Variants in PPM1L observed in about 807,000 individuals in gnomAD.
The protein encoded by PPM1L is protein phosphatase, Mg2+/Mn2+ dependent 1L.
A neutral mutation model predicts 31.4 loss-of-function variants in PPM1L; 13 were observed. That is an observed-to-expected ratio of 0.41 (90% CI 0.27 to 0.66). The LOEUF (loss-of-function observed/expected upper bound fraction) is 0.66, where lower values mean the gene tolerates loss of function less well. Among genes scored for constraint, PPM1L ranks in the 30% least tolerant of loss-of-function variants. The probability of loss-of-function intolerance (pLI) is 0.29; values close to 1 mark genes in which losing one functional copy is unlikely to be tolerated. For missense variants in PPM1L, 326 were observed against 453.7 expected (o/e 0.72, Z 2.56); for synonymous variants, 184 against 175.4 (o/e 1.05, Z -0.39).
At chr3:160,863,720 C>A (rs773680259) in intron 1 of PPM1L, among the ~76,000 whole-genome samples, 3 of 152,082 alleles carry the variant, frequency 2.0e-5, no homozygotes, top group Non-Finnish European at 4.4e-5. Context: ...TATTGGGTTC[C>A]TTGGTCACAC....
intron 1 of PPM1L, among the ~76,000 whole-genome samples, chr3:160,871,326 T>G (rs531724988): frequency 4.6e-5 from 7 of 151,882 alleles, no homozygotes; most frequent in Middle Eastern, 6.8e-3. Context: ...ACAGATCTGA[T>G]GTATTTCAGA....
In PPM1L at chr3:160,903,201, T is replaced by TGTGTGTG. The variant is rs1553819675; in HGVS notation, c.400-58533_400-58532insGTGTGGT. ...TGTGTGTGTGTGTGTGTGGTATGTG[T>TGTGTGTG]GTATGTTTGTGTGTGTGTGTGTGTG... On this transcript the variant is annotated intron_variant, in intron 1 of 3. Coordinates refer to ENST00000498165, the MANE Select transcript of PPM1L (RefSeq NM_139245.4). Among the ~76,000 whole-genome samples the TGTGTGTG allele has an allele frequency of 2.7e-4, 24 of 88,650 alleles. No homozygotes were observed. The East Asian group carries it at 4.8e-3, about 18-fold the overall frequency. 58.2% of individuals were successfully genotyped at this position (88,650 alleles called of 152,430 possible).
At chr3:160,811,275 G>A (rs754421305) in intron 1 of PPM1L, among the ~76,000 whole-genome samples, 1 of 152,158 alleles carries the variant, frequency 6.6e-6, no homozygotes, top group African/African-American at 2.4e-5. Flanking sequence ...TTTTCTCCCC[G>A]TCTTGAAATG....
At chr3:160,865,670 G>A (rs1712062933) in intron 1 of PPM1L, among the ~76,000 whole-genome samples, 2 of 152,216 alleles carry the variant, frequency 1.3e-5, no homozygotes, top group Admixed American at 6.5e-5. Context: ...AGCTACTTGG[G>A]AGGCTGAGGC....
intron 2 of PPM1L, among the ~76,000 whole-genome samples, chr3:161,049,836 C>T (rs139828680): frequency 6.6e-6 from 1 of 152,348 alleles, no homozygotes; most frequent in Non-Finnish European, 1.5e-5. Context: ...TCAGCCTGGT[C>T]CCCTGTACAG....
intron 1 of PPM1L, among the ~76,000 whole-genome samples, chr3:160,916,630 T>TA (rs200296430): frequency 3.9e-5 from 6 of 151,952 alleles, no homozygotes; most frequent in African/African-American, 7.3e-5. Context: ...GCAATCTACT[T>TA]AAAAAAAATT....
intron 1 of PPM1L, among the ~76,000 whole-genome samples, chr3:160,951,339 C>CAT (rs1187942430): frequency 6.6e-6 from 1 of 152,174 alleles, no homozygotes; most frequent in Non-Finnish European, 1.5e-5. Context: ...AAGAATTCAT[C>CAT]ATCACTGTGG....
In PPM1L at chr3:160,985,477, A is replaced by T. The variant is rs556288800; in HGVS notation, c.574+23567A>T. ...TAGTATTATAGTGAGGTTCAAATGAACTTTTAATATTCTCTAAAGCCAGTA... is the reference window on the plus strand; with the variant it reads ...TAGTATTATAGTGAGGTTCAAATGATCTTTTAATATTCTCTAAAGCCAGTA... On this transcript the variant is annotated intron_variant, in intron 2 of 3. Coordinates refer to ENST00000498165, the MANE Select transcript of PPM1L (RefSeq NM_139245.4). Among the ~76,000 whole-genome samples the T allele has an allele frequency of 6.6e-5, 10 of 152,306 alleles. No homozygotes were observed. The South Asian group carries it at 8.3e-4, about 13-fold the overall frequency.
intron 2 of PPM1L, among the ~76,000 whole-genome samples, chr3:160,973,766 T>TTTTTTTTTTTG (rs1553751136): frequency 4.8e-5 from 2 of 41,314 alleles, no homozygotes; most frequent in Non-Finnish European, 7.9e-5. Flanking sequence ...AAGGCCCTGT[T>TTTTTTTTTTTG]TTTTTTTTTT....
chr3:160,972,217 A>G (rs1242946750), intron 2 of PPM1L, among the ~76,000 whole-genome samples: 1 of 151,830 alleles, frequency 6.6e-6, no homozygotes, highest in South Asian at 2.1e-4. Context: ...TTTTTATTAT[A>G]CTTTAAGTTT....
intron 2 of PPM1L, among the ~76,000 whole-genome samples, chr3:161,041,898 A>G (rs1392739461): frequency 2.0e-5 from 3 of 152,198 alleles, no homozygotes; most frequent in South Asian, 4.1e-4. Flanking sequence ...ATATATTTGG[A>G]CTCACATTAA....
At chr3:160,901,144 A>G (rs1036294368) in intron 1 of PPM1L, among the ~76,000 whole-genome samples, 2 of 152,012 alleles carry the variant, frequency 1.3e-5, no homozygotes, top group African/African-American at 4.8e-5. Context: ...GTGGCTTTGC[A>G]TGTCATCGGT....
intron 1 of PPM1L, among the ~76,000 whole-genome samples, chr3:160,845,845 A>G (rs1210471621): frequency 6.6e-6 from 1 of 152,036 alleles, no homozygotes; most frequent in African/African-American, 2.4e-5. Flanking sequence ...TAAGTGCCCT[A>G]TATACAGTCA....
intron 1 of PPM1L, among the ~76,000 whole-genome samples, chr3:160,848,436 C>G (rs1714150319): frequency 6.6e-6 from 1 of 152,128 alleles, no homozygotes; most frequent in Non-Finnish European, 1.5e-5. Context: ...ATTGTAACTT[C>G]TTCATTTTTG....
intron 1 of PPM1L, among the ~76,000 whole-genome samples, chr3:160,816,481 T>G (rs976816679): frequency 6.0e-5 from 9 of 149,590 alleles, no homozygotes; most frequent in Non-Finnish European, 1.2e-4. Flanking sequence ...AGAGTCTGTT[T>G]TTTTTTTTTT....
At chr3:160,808,423 G>GTGTGTGTGT (rs1417044344) in intron 1 of PPM1L, among the ~76,000 whole-genome samples, 1 of 145,738 alleles carries the variant, frequency 6.9e-6, no homozygotes, top group Non-Finnish European at 1.5e-5. Flanking sequence ...GTGTGTGTGT[G>GTGTGTGTGT]GTGGGTGAGG....
At chr3:160,954,020 T>G (rs1715654222) in intron 1 of PPM1L, among the ~76,000 whole-genome samples, 1 of 152,216 alleles carries the variant, frequency 6.6e-6, no homozygotes, top group Non-Finnish European at 1.5e-5. Context: ...CATTGCCATC[T>G]TTGTAAAAAA....
intron 1 of PPM1L, among the ~76,000 whole-genome samples, chr3:160,826,924 TA>T (rs1029863915): frequency 1.3e-5 from 2 of 151,936 alleles, no homozygotes; most frequent in African/African-American, 4.8e-5. Context: ...TATCATGGTT[TA>T]AAAAAACACA....
At chr3:160,839,006 G>A (rs1713792847) in intron 1 of PPM1L, among the ~76,000 whole-genome samples, 1 of 151,800 alleles carries the variant, frequency 6.6e-6, no homozygotes, top group Non-Finnish European at 1.5e-5. Flanking sequence ...GGGACTGGTA[G>A]CTTTATAAGA....
Sources: gnomAD v4.1 joint callset for allele counts (sites outside exome capture counted in the v4.1 genomes callset) on GRCh38, gnomAD v4.1.1 for gene constraint, MANE v1.5 for transcripts, NCBI Gene and HGNC (gene_info 2026-07-23, HGNC 2026-07-21) for gene names.